DNAI7: variants seen among roughly 807,000 people sequenced by gnomAD.
The protein encoded by DNAI7 is dynein axonemal intermediate chain 7.
DNAI7 carries 78 observed loss-of-function variants against 86.6 expected under a neutral mutation model. The ratio of observed to expected loss-of-function variants is 0.90; its 90% CI spans 0.75 to 1.09. DNAI7 has a LOEUF of 1.09. Ranked by LOEUF, DNAI7 falls within the 50% of genes least tolerant of loss-of-function variation. The pLI, the probability that DNAI7 is intolerant of heterozygous loss-of-function variation, is 0.00. For missense variants in DNAI7, 753 were observed against 810.2 expected, an observed-to-expected ratio of 0.93 and a Z score of 0.86; for synonymous variants, 274 against 273.0, an observed-to-expected ratio of 1.00 and a Z score of -0.04.
downstream of DNAI7, chr12:25,107,880 C>T: frequency 1.2e-6 from 2 of 1,614,106 alleles, no homozygotes; most frequent in African/African-American, 2.7e-5. Context: ...CTAATAAGGC[C>T]CTCTGGCTCT....
rs552305929 is a variant in DNAI7 at position 25,165,665 on chromosome 12, G to A, written c.22-4468C>T. On this transcript the variant is annotated intron_variant, in intron 2 of 15. Transcript: ENST00000395987. Reference sequence around the variant, plus strand: ...CTCGGAAGCCTACGGGACCATCACAGATGCTCTGGGTAACTCTCACAGTGG... The same window carrying A: ...CTCGGAAGCCTACGGGACCATCACAAATGCTCTGGGTAACTCTCACAGTGG... 3.3e-4 allele frequency among the ~76,000 whole-genome samples: 50 copies of A among 152,288 alleles called. 1 individual carries two copies.
intron 2 of DNAI7, among the ~76,000 whole-genome samples, chr12:25,166,472 C>G (rs879721993): frequency 9.2e-5 from 14 of 152,164 alleles, no homozygotes; most frequent in Non-Finnish European, 1.8e-4. Context: ...ACCCTGACAC[C>G]CATCAGGTTC....
At chr12:25,114,141 T>C (rs899130950) in intron 13 of DNAI7, among the ~76,000 whole-genome samples, 3 of 151,944 alleles carry the variant, frequency 2.0e-5, no homozygotes, top group Admixed American at 6.6e-5. Context: ...GGCTTCACCA[T>C]GTTGGCCAGG....
intron 12 of DNAI7, among the ~76,000 whole-genome samples, chr12:25,116,157 C>T (rs1049297405): frequency 6.6e-5 from 10 of 150,564 alleles, no homozygotes; most frequent in Non-Finnish European, 1.3e-4. Context: ...TCTTCCCAGA[C>T]GTGCTCTCCA....
chr12:25,167,291 G>T (rs1023132516), intron 2 of DNAI7, among the ~76,000 whole-genome samples: 2 of 151,938 alleles, frequency 1.3e-5, no homozygotes, highest in Non-Finnish European at 2.9e-5. Flanking sequence ...CTACTCCTCA[G>T]GGATTATTCA....
At chr12:25,153,610 T>C (rs1183554186) in intron 6 of DNAI7, among the ~76,000 whole-genome samples, 3 of 152,170 alleles carry the variant, frequency 2.0e-5, no homozygotes, top group East Asian at 3.8e-4. Context: ...CCACCTTGTA[T>C]GTACTCTAGG....
chr12:25,150,380 A>G (rs144406357), intron 6 of DNAI7, among the ~76,000 whole-genome samples: 3,868 of 152,176 alleles, frequency 0.025, 176 homozygotes, highest in African/African-American at 0.088. Context: ...CAAGGCGGGC[A>G]GATCACGAGG....
At chr12:25,194,837 G>A in intron 1 of DNAI7, 1 of 1,577,802 alleles carries the variant, frequency 6.3e-7, no homozygotes, top group Non-Finnish European at 8.7e-7. Flanking sequence ...GATACCGTGT[G>A]ACAGCTTTGA....
chr12:25,113,938 G>GT (rs112532652), intron 13 of DNAI7, among the ~76,000 whole-genome samples: 24,698 of 80,954 alleles, frequency 0.31, 3,969 homozygotes, highest in Non-Finnish European at 0.38. Context: ...TTCTTTCTGG[G>GT]TTTTTTTTTT....
intron 9 of DNAI7, among the ~76,000 whole-genome samples, chr12:25,137,169 A>T (rs975496029): frequency 1.3e-5 from 2 of 152,136 alleles, no homozygotes; most frequent in Non-Finnish European, 2.9e-5. Flanking sequence ...GAGGCAAAAG[A>T]TTAAAAGCAG....
intron 12 of DNAI7, among the ~76,000 whole-genome samples, chr12:25,116,888 TTGA>T (rs1940217342): frequency 6.6e-6 from 1 of 152,182 alleles, no homozygotes; most frequent in Non-Finnish European, 1.5e-5. Context: ...GTTGTTCATG[TTGA>T]TGTATTTTAT....
At position 25,195,106 on chromosome 12, in the gene DNAI7, C is replaced by T. The variant is rs1242333653; in HGVS notation, c.-28G>A. On this transcript the variant is annotated 5_prime_UTR_variant, in exon 1 of 16. Transcript: ENST00000395987. The stretch of plus-strand genomic sequence containing the variant: ...AGAGTCAAGCTCCACTGCAGTAGTC[C>T]GCAGAGTCGGAGCAGAAATTGTGTG... 1.6e-5 allele frequency: 26 copies of T among 1,612,318 alleles called. No individual in the cohort carries two copies. The highest frequency in any genetic ancestry group is 2.0e-5 in the Non-Finnish European group (24 of 1,178,486).
At position 25,185,821 on chromosome 12, in the gene DNAI7, G is replaced by GC. The variant is rs1431969228; in HGVS notation, c.21+4792dup. On this transcript the variant is annotated intron_variant, in intron 2 of 15. Transcript: ENST00000395987. ...AATAGAATTTAAAGTACAGACTATA[G>GC]CAATAAGCACCCCCCTTTTGCCCAT... The GC allele has an allele frequency of 1.2e-5, 11 of 906,962 alleles. No individual in the cohort carries two copies. In the Admixed American group the frequency reaches 3.7e-4, roughly 31 times the overall value. 56.2% of individuals were successfully genotyped at this position (906,962 alleles called of 1,614,324 possible).
At chr12:25,114,154 G>A (rs1044894343) in intron 13 of DNAI7, among the ~76,000 whole-genome samples, 4 of 151,450 alleles carry the variant, frequency 2.6e-5, no homozygotes, top group Non-Finnish European at 5.9e-5. Flanking sequence ...TGGCCAGGCT[G>A]GTCTCGAACT....
chr12:25,119,342 G>C, intron 11 of DNAI7, 41 bp from the exon 12 acceptor site: 1 of 1,404,012 alleles, frequency 7.1e-7, no homozygotes, highest in Non-Finnish European at 9.9e-7. Flanking sequence ...TAGTTGACTG[G>C]TAGCAGTGAA....
chr12:25,158,231 GAA>G (rs1028413734), intron 4 of DNAI7, among the ~76,000 whole-genome samples: 1 of 139,272 alleles, frequency 7.2e-6, no homozygotes, highest in African/African-American at 2.6e-5. Flanking sequence ...TCCATCTCAA[GAA>G]AAAAAAAAAA....
chr12:25,117,383 C>A (rs910931242), intron 12 of DNAI7, among the ~76,000 whole-genome samples: 1 of 152,140 alleles, frequency 6.6e-6, no homozygotes, highest in African/African-American at 2.4e-5. Context: ...TTCCTAAATT[C>A]TCTGTTCCTA....
intron 9 of DNAI7, 119 bp downstream of exon 9, chr12:25,144,246 A>C (rs770456399): frequency 2.6e-5 from 21 of 817,102 alleles, no homozygotes; most frequent in Non-Finnish European, 3.5e-5. Context: ...AGGCACTGGC[A>C]AGAAAGTGGC....
chr12:25,123,226 C>A lies in DNAI7; in HGVS notation c.1063G>T (p.Glu355Ter). ...KCEREMKVLSETVSAAQLLLV... is the reference protein window; with the variant it reads ...KCEREMKVLS Reference sequence around the variant, plus strand: ...TTTAGAATACCTGCTGAAACAGTTTCACTTAATACTTTCATCTCTCGTTCA... The same window carrying A: ...TTTAGAATACCTGCTGAAACAGTTTAACTTAATACTTTCATCTCTCGTTCA... Residue 355 changes from glutamate to a stop codon, truncating the protein, a stop_gained, in exon 10 of 16, where the codon GAA becomes TAA. Coordinates refer to ENST00000395987, the MANE Select transcript of DNAI7 (RefSeq NM_018272.5). LOFTEE classifies it high-confidence loss of function. 1 of 1,598,772 alleles carries A rather than the reference C, an allele frequency of 6.3e-7. No homozygotes were observed. The highest frequency in any genetic ancestry group is 8.5e-7 in the Non-Finnish European group (1 of 1,171,982).
Sources: gnomAD v4.1 joint callset for allele counts (sites outside exome capture counted in the v4.1 genomes callset) on GRCh38, gnomAD v4.1.1 for gene constraint, MANE v1.5 for transcripts, NCBI Gene and HGNC (gene_info 2026-07-23, HGNC 2026-07-21) for gene names.